FUT9: variants seen among roughly 807,000 people sequenced by gnomAD.
FUT9 encodes 4-galactosyl-N-acetylglucosaminide 3-alpha-L-fucosyltransferase 9.
A neutral mutation model predicts 29.7 loss-of-function variants in FUT9; 15 were observed. The observed-to-expected ratio is 0.51, with a 90% CI of 0.34 to 0.78. The LOEUF (loss-of-function observed/expected upper bound fraction) is 0.78, where lower values mean the gene tolerates loss of function less well. Ranked by LOEUF, FUT9 falls within the 30% of genes least tolerant of loss-of-function variation. The pLI, the probability that FUT9 is intolerant of heterozygous loss-of-function variation, is 0.01. For missense variants in FUT9, 319 were observed against 425.4 expected, an observed-to-expected ratio of 0.75 and a Z score of 2.20; for synonymous variants, 169 against 153.7, an observed-to-expected ratio of 1.10 and a Z score of -0.74.
chr6:96,046,426 A>G (rs1488671385), intron 1 of FUT9, among the ~76,000 whole-genome samples: 1 of 152,152 alleles, frequency 6.6e-6, no homozygotes, highest in Non-Finnish European at 1.5e-5. Flanking sequence ...TCCATTTAAC[A>G]TGACTCTAAG....
At chr6:96,192,289 T>C (rs1336968140) in intron 2 of FUT9, among the ~76,000 whole-genome samples, 3 of 152,178 alleles carry the variant, frequency 2.0e-5, no homozygotes, top group East Asian at 3.9e-4. Context: ...GACATGATTG[T>C]ATATTTAGAA....
chr6:96,087,644 C>T (rs571910950), intron 1 of FUT9, among the ~76,000 whole-genome samples: 152 of 152,226 alleles, frequency 1.0e-3, no homozygotes, highest in African/African-American at 3.5e-3. Flanking sequence ...GAATTACATG[C>T]GTGAGCCACC....
intron 2 of FUT9, among the ~76,000 whole-genome samples, chr6:96,160,716 T>C (rs914121816): frequency 1.3e-5 from 2 of 152,154 alleles, no homozygotes; most frequent in African/African-American, 4.8e-5. Flanking sequence ...TCTATGGAAA[T>C]AGGCTTTGGT....
At chr6:96,123,764 G>C (rs1772076736) in intron 2 of FUT9, among the ~76,000 whole-genome samples, 1 of 152,022 alleles carries the variant, frequency 6.6e-6, no homozygotes, top group South Asian at 2.1e-4. Context: ...CATTTCCTAG[G>C]AGCGTGGGGA....
chr6:96,199,456 A>T lies in FUT9; in HGVS notation c.-8-3692A>T, dbSNP rs192593466. Among the ~76,000 whole-genome samples the T allele has an allele frequency of 4.2e-3, 641 of 152,274 alleles. 5 individuals carry two copies. The highest frequency in any genetic ancestry group is 0.015 in the African/African-American group (618 of 41,554). ...CAGAGAGTTAAGAAGGATAACCTCA[A>T]GTTATATAAAATATCCAGGAAGCAT... is the stretch of plus-strand genomic sequence containing the variant. On this transcript the variant is annotated intron_variant, in intron 2 of 2. Transcript: ENST00000302103.
chr6:96,167,598 C>T (rs1331764607), intron 2 of FUT9, among the ~76,000 whole-genome samples: 1 of 152,186 alleles, frequency 6.6e-6, no homozygotes. Flanking sequence ...ACAAGGATTT[C>T]TGTCCTCTTG....
intron 2 of FUT9, among the ~76,000 whole-genome samples, chr6:96,152,191 A>T (rs1028395844): frequency 6.6e-6 from 1 of 152,238 alleles, no homozygotes; most frequent in African/African-American, 2.4e-5. Context: ...CTAATGGGTC[A>T]TATCTTACTC....
At chr6:96,152,114 A>G (rs766748414) in intron 2 of FUT9, among the ~76,000 whole-genome samples, 5 of 152,148 alleles carry the variant, frequency 3.3e-5, no homozygotes, top group Non-Finnish European at 7.3e-5. Context: ...TTGAGAAACC[A>G]TAGGGAAGGA....
At chr6:96,085,551 T>C (rs1771302862) in intron 1 of FUT9, among the ~76,000 whole-genome samples, 1 of 152,212 alleles carries the variant, frequency 6.6e-6, no homozygotes, top group South Asian at 2.1e-4. Flanking sequence ...ATTCAAACTA[T>C]GGCAAAATAT....
At chr6:96,201,709 T>C (rs1230381282) in intron 2 of FUT9, among the ~76,000 whole-genome samples, 2 of 151,966 alleles carry the variant, frequency 1.3e-5, no homozygotes, top group Non-Finnish European at 2.9e-5. Flanking sequence ...ATTAATAATT[T>C]AGCACCTAGA....
rs371025144 is a variant in FUT9 at position 96,144,540 on chromosome 6, A to C, written c.-9+30413A>C. On this transcript the variant is annotated intron_variant, in intron 2 of 2. Transcript: ENST00000302103. ...ACAGCATCTTCATTTTATGCTAAAC[A>C]GATTTTTATGGAAGGGCTATAAAGG... Among the ~76,000 whole-genome samples, 36 of 152,350 alleles carry C rather than the reference A, an allele frequency of 2.4e-4. No individual in the cohort carries two copies. In the South Asian group the frequency reaches 6.0e-3, roughly 25 times the overall value.
At chr6:96,111,389 C>T (rs537335683) in intron 1 of FUT9, among the ~76,000 whole-genome samples, 2 of 152,000 alleles carry the variant, frequency 1.3e-5, no homozygotes, top group African/African-American at 4.8e-5. Context: ...ATGATTTTCT[C>T]CCTATACATA....
chr6:96,209,002 G>T lies in FUT9; in HGVS notation c.*4767G>T. The T allele has an allele frequency of 6.0e-6, 1 of 165,896 alleles. No individual in the cohort carries two copies. The allele number at this position is 165,896 out of a possible 1,614,324, so 10.3% of individuals were successfully genotyped here. On this transcript the variant is annotated 3_prime_UTR_variant, in exon 3 of 3. Transcript: ENST00000302103. ...GTTCTCCCCTTTAGTAATTCATATT[G>T]AATATATCCATATTCATATGCATTT...
chr6:96,161,478 A>G (rs1051393662), intron 2 of FUT9, among the ~76,000 whole-genome samples: 2 of 152,202 alleles, frequency 1.3e-5, no homozygotes, highest in Admixed American at 6.5e-5. Context: ...AGCCTGACTG[A>G]ACTAAGACAG....
At chr6:96,137,471 T>A (rs1263105595) in intron 2 of FUT9, among the ~76,000 whole-genome samples, 1 of 152,026 alleles carries the variant, frequency 6.6e-6, no homozygotes, top group Non-Finnish European at 1.5e-5. Context: ...AGTCCATAAT[T>A]GTGAGCTGCA....
At chr6:96,017,524 A>T (rs1770000156) in intron 1 of FUT9, among the ~76,000 whole-genome samples, 1 of 152,188 alleles carries the variant, frequency 6.6e-6, no homozygotes, top group Admixed American at 6.6e-5. Flanking sequence ...TCAATTTCTC[A>T]TGTATTGAAA....
chr6:96,078,413 T>TGA, intron 1 of FUT9, among the ~76,000 whole-genome samples: 1 of 83,170 alleles, frequency 1.2e-5, no homozygotes, highest in East Asian at 3.8e-4. Context: ...GTCTTCTTTT[T>TGA]TTTTTTTTTT....
intron 2 of FUT9, among the ~76,000 whole-genome samples, chr6:96,139,096 A>C (rs188926763): frequency 5.3e-5 from 8 of 152,324 alleles, no homozygotes; most frequent in Non-Finnish European, 1.0e-4. Context: ...GAGACTGGGT[A>C]ATTTATAAGG....
At chr6:96,124,708 CT>C (rs1207263576) in intron 2 of FUT9, among the ~76,000 whole-genome samples, 1 of 152,010 alleles carries the variant, frequency 6.6e-6, no homozygotes, top group African/African-American at 2.4e-5. Flanking sequence ...GCCTCCTTTT[CT>C]TTTTTTAAAT....
Sources: allele counts gnomAD v4.1 joint callset (sites outside exome capture counted in the v4.1 genomes callset), GRCh38; gene constraint gnomAD v4.1.1; transcripts MANE v1.5; gene names NCBI Gene and HGNC (gene_info 2026-07-23, HGNC 2026-07-21).